The following MYO16 variants were observed in gnomAD, a reference collection of about 807,000 sequenced individuals.
The protein encoded by MYO16 is unconventional myosin-XVI.
Under a neutral mutation model 205.3 loss-of-function variants are expected in MYO16, and 94 were observed. The observed-to-expected ratio is 0.46, with a 90% CI of 0.39 to 0.54. MYO16 has a LOEUF of 0.54. Ranked by LOEUF, MYO16 falls within the 20% of genes least tolerant of loss-of-function variation. The pLI is 0.00. For missense variants in MYO16, 2,315 were observed against 2,387.5 expected (o/e 0.97, Z 0.63); for synonymous variants, 988 against 954.0 (o/e 1.04, Z -0.66).
the MYO16 span, among the ~76,000 whole-genome samples, chr13:108,526,194 A>G: frequency 6.6e-6 from 1 of 152,166 alleles, no homozygotes; most frequent in Non-Finnish European, 1.5e-5. Context: ...CAGATACTAT[A>G]TCTGATGAAA....
the MYO16 span, among the ~76,000 whole-genome samples, chr13:108,539,276 G>T: frequency 2.0e-5 from 3 of 152,046 alleles, no homozygotes; most frequent in Admixed American, 6.6e-5. Context: ...AGAAGAGTAA[G>T]CTGCTTTTAT....
chr13:109,092,096 G>A (rs1395573386), intron 27 of MYO16, among the ~76,000 whole-genome samples: 1 of 152,076 alleles, frequency 6.6e-6, no homozygotes, highest in African/African-American at 2.4e-5. Flanking sequence ...TTTCTAAGGG[G>A]TTTCAGGACA....
intron 25 of MYO16, among the ~76,000 whole-genome samples, chr13:109,053,924 A>G (rs1887331163): frequency 6.6e-6 from 1 of 152,122 alleles, no homozygotes; most frequent in African/African-American, 2.4e-5. Context: ...TTAGATTGAC[A>G]GTACATCTTA....
At chr13:108,879,680 AG>A (rs1879505753) in intron 12 of MYO16, among the ~76,000 whole-genome samples, 1 of 152,194 alleles carries the variant, frequency 6.6e-6, no homozygotes, top group Admixed American at 6.5e-5. Flanking sequence ...GTCCCTACAA[AG>A]GACATGAACT....
At chr13:109,194,584 G>T (rs751083038) in intron 34 of MYO16, among the ~76,000 whole-genome samples, 1 of 152,274 alleles carries the variant, frequency 6.6e-6, no homozygotes, top group African/African-American at 2.4e-5. Context: ...TTTTAATTCG[G>T]ACGTACAAAC....
At chr13:108,819,358 A>G (rs1005567952) in intron 7 of MYO16, among the ~76,000 whole-genome samples, 8 of 152,198 alleles carry the variant, frequency 5.3e-5, no homozygotes, top group Admixed American at 2.0e-4. Flanking sequence ...CAAGGCCCGC[A>G]AGAATCTATA....
In MYO16 at chr13:108,816,967, T is replaced by C. The variant is rs116255919; in HGVS notation, c.868-3370T>C. Among the ~76,000 whole-genome samples the C allele has an allele frequency of 4.4e-3, 677 of 152,326 alleles. 6 individuals are homozygous for C. Among genetic ancestry groups the C allele is most frequent in the African/African-American group, 0.015 (636 of 41,568 alleles). On this transcript the variant is annotated intron_variant, in intron 7 of 34. Coordinates refer to ENST00000457511, the MANE Select transcript of MYO16 (RefSeq NM_001198950.3). The stretch of plus-strand genomic sequence containing the variant: ...ATGGTCATTAAGCACATGAAAGTGT[T>C]CAATGTCACTAGTCATCAGGGAAAT...
At position 109,117,426 on chromosome 13, in the gene MYO16, G is replaced by GTGTATATATA. The variant is rs145551138; in HGVS notation, c.3439-2918_3439-2909dup. The stretch of plus-strand genomic sequence containing the variant: ...TATATATATGTGTATATATGTATAT[G>GTGTATATATA]TGTATATATATGTATATATATGTAT... On this transcript the variant is annotated intron_variant, in intron 28 of 34. Transcript: ENST00000457511. 4.6e-3 allele frequency among the ~76,000 whole-genome samples: 654 copies of GTGTATATATA among 142,596 alleles called. 3 individuals carry two copies. The highest frequency in any genetic ancestry group is 7.1e-3 in the Non-Finnish European group (460 of 64,932). 93.5% of individuals were successfully genotyped at this position (142,596 alleles called of 152,430 possible). A position where few individuals can be genotyped will look rare whatever the true frequency, so the allele number is the denominator to read the frequency against.
intron 9 of MYO16, among the ~76,000 whole-genome samples, chr13:108,839,667 T>G (rs1877128390): frequency 6.6e-6 from 1 of 152,220 alleles, no homozygotes; most frequent in Non-Finnish European, 1.5e-5. Context: ...TTCTCTCCTG[T>G]AACAGCACTT....
chr13:108,653,705 C>T (rs567980796), intron 1 of MYO16, among the ~76,000 whole-genome samples: 3 of 151,464 alleles, frequency 2.0e-5, no homozygotes, highest in African/African-American at 4.8e-5. Context: ...ATTCTTCCCC[C>T]GGTGTAAAAC....
At chr13:108,654,560 T>C (rs1881157947) in intron 1 of MYO16, among the ~76,000 whole-genome samples, 1 of 152,066 alleles carries the variant, frequency 6.6e-6, no homozygotes, top group African/African-American at 2.4e-5. Context: ...CTGGTATCAG[T>C]AGAGTGGGGT....
At chr13:108,584,683 C>T in the MYO16 span, among the ~76,000 whole-genome samples, 3 of 152,102 alleles carry the variant, frequency 2.0e-5, no homozygotes, top group Non-Finnish European at 4.4e-5. Flanking sequence ...CCATGAGTTA[C>T]CCTTTTTTAG....
At chr13:108,533,764 T>G in the MYO16 span, among the ~76,000 whole-genome samples, 1 of 152,242 alleles carries the variant, frequency 6.6e-6, no homozygotes, top group African/African-American at 2.4e-5. Context: ...GACATTCTAT[T>G]TTCCATATAA....
At chr13:109,172,072 T>C (rs1432162383) in intron 33 of MYO16, among the ~76,000 whole-genome samples, 2 of 152,156 alleles carry the variant, frequency 1.3e-5, no homozygotes, top group African/African-American at 4.8e-5. Flanking sequence ...CCACACCAGT[T>C]CTGGGAACAT....
intron 16 of MYO16, among the ~76,000 whole-genome samples, chr13:108,933,833 T>C (rs759336542): frequency 6.6e-6 from 1 of 152,174 alleles, no homozygotes; most frequent in East Asian, 1.9e-4. Flanking sequence ...TTCCCTCTTA[T>C]AAGTAACAAT....
chr13:108,799,432 C>A (rs1886902485), intron 6 of MYO16, among the ~76,000 whole-genome samples: 1 of 152,166 alleles, frequency 6.6e-6, no homozygotes, highest in African/African-American at 2.4e-5. Flanking sequence ...TATCATTCCA[C>A]TAAGCAACAG....
chr13:108,910,646 G>A (rs1881212118), intron 16 of MYO16, among the ~76,000 whole-genome samples: 1 of 152,204 alleles, frequency 6.6e-6, no homozygotes, highest in South Asian at 2.1e-4. Context: ...TGATGGGAGT[G>A]ACAGGCTGTA....
chr13:109,132,026 G>A (rs1365923270), intron 31 of MYO16, among the ~76,000 whole-genome samples: 1 of 152,202 alleles, frequency 6.6e-6, no homozygotes, highest in African/African-American at 2.4e-5. Context: ...TGCCCAGGAC[G>A]TAGCAAGCGC....
chr13:108,981,153 T>A (rs947864131), intron 20 of MYO16, among the ~76,000 whole-genome samples: 1 of 152,246 alleles, frequency 6.6e-6, no homozygotes, highest in African/African-American at 2.4e-5. Flanking sequence ...TTTTGAAAGT[T>A]AAATTTATGT....
Sources: gnomAD v4.1 joint callset for allele counts (sites outside exome capture counted in the v4.1 genomes callset) on GRCh38, gnomAD v4.1.1 for gene constraint, MANE v1.5 for transcripts, NCBI Gene and HGNC (gene_info 2026-07-23, HGNC 2026-07-21) for gene names.